The following RBFOX1 variants were observed in gnomAD, a reference collection of about 807,000 sequenced individuals.
RBFOX1 encodes RNA binding protein fox-1 homolog 1.
In RBFOX1, 8 loss-of-function variants were observed where a neutral mutation model predicts 57.7. The observed-to-expected ratio is 0.14, with a 90% CI of 0.08 to 0.25. The LOEUF (loss-of-function observed/expected upper bound fraction) is 0.25, where lower values mean the gene tolerates loss of function less well. Among genes scored for constraint, RBFOX1 ranks in the 10% least tolerant of loss-of-function variants. RBFOX1 has a pLI of 1.00. For missense variants in RBFOX1, 611 were observed against 548.5 expected, an observed-to-expected ratio of 1.11 and a Z score of -1.14; for synonymous variants, 326 against 222.4, an observed-to-expected ratio of 1.47 and a Z score of -4.15.
At chr16:7,303,615 G>GA (rs996296357) in intron 4 of RBFOX1, among the ~76,000 whole-genome samples, 3 of 151,976 alleles carry the variant, frequency 2.0e-5, no homozygotes, top group South Asian at 4.2e-4. Flanking sequence ...GGGAGGGAAG[G>GA]AAAAAAAGGA....
At position 7,405,368 on chromosome 16, in the gene RBFOX1, C is replaced by T. The variant is rs180782832; in HGVS notation, c.28-112779C>T. Among the ~76,000 whole-genome samples, 601 of 152,344 alleles carry T rather than the reference C, an allele frequency of 3.9e-3. 16 individuals are homozygous for T. The highest frequency in any genetic ancestry group is 0.035 in the Admixed American group (539 of 15,304). On this transcript the variant is annotated intron_variant, in intron 4 of 15. Transcript: ENST00000550418. ...TGAGATTAGCAGATGCAGCAGTTCA[C>T]TCCAAGGCGCTGTGCAGTTTTTTCC...
chr16:6,592,433 G>A (rs1435485315), intron 2 of RBFOX1, among the ~76,000 whole-genome samples: 1 of 152,144 alleles, frequency 6.6e-6, no homozygotes, highest in African/African-American at 2.4e-5. Flanking sequence ...GTGTCATATG[G>A]GAGGGTGCAT....
intron 4 of RBFOX1, among the ~76,000 whole-genome samples, chr16:7,122,058 A>C (rs921461973): frequency 2.6e-5 from 4 of 152,086 alleles, no homozygotes; most frequent in African/African-American, 9.7e-5. Context: ...GTTTTAGAAG[A>C]ACACATGGGT....
Position 5,991,514 on chromosome 16 carries a change from A to G in RBFOX1, c.351+124179A>G, listed in dbSNP as rs367552899. On this transcript the variant is annotated intron_variant, in intron 4 of 19. Coordinates refer to the RBFOX1 transcript ENST00000641259. ...GGAGACCTTTACGGAAGTATTATTT[A>G]TTGATAAGGACCATGCATCGTGGCT... is the stretch of plus-strand genomic sequence containing the variant. 1.9e-4 allele frequency among the ~76,000 whole-genome samples: 29 copies of G among 152,314 alleles called. No homozygotes were observed. The East Asian group carries it at 5.4e-3, about 28-fold the overall frequency.
intron 2 of RBFOX1, among the ~76,000 whole-genome samples, chr16:5,553,193 G>T (rs965465959): frequency 3.3e-5 from 5 of 152,024 alleles, no homozygotes; most frequent in African/African-American, 1.2e-4. Flanking sequence ...ATGATGAGTT[G>T]ATGGGGGCAG....
intron 4 of RBFOX1, among the ~76,000 whole-genome samples, chr16:7,322,860 T>C (rs1177317966): frequency 2.0e-5 from 3 of 152,148 alleles, no homozygotes; most frequent in African/African-American, 7.2e-5. Context: ...TGTTTTCTCC[T>C]CCAGTGGTTA....
At chr16:7,108,176 C>A (rs1475781088) in intron 4 of RBFOX1, among the ~76,000 whole-genome samples, 1 of 152,166 alleles carries the variant, frequency 6.6e-6, no homozygotes, top group African/African-American at 2.4e-5. Flanking sequence ...ACAATTTAAT[C>A]TCTGATGGTT....
chr16:6,945,011 G>C (rs2079218569), intron 3 of RBFOX1, among the ~76,000 whole-genome samples: 1 of 152,094 alleles, frequency 6.6e-6, no homozygotes, highest in South Asian at 2.1e-4. Flanking sequence ...ACTTTTAGCA[G>C]CTCTTCTTCT....
chr16:6,792,595 G>A (rs751526452), intron 3 of RBFOX1, among the ~76,000 whole-genome samples: 11 of 152,132 alleles, frequency 7.2e-5, no homozygotes, highest in Non-Finnish European at 1.2e-4. Flanking sequence ...CTCCTACTAC[G>A]AAGTCAGGGT....
Position 7,531,195 on chromosome 16 carries a change from G to C in RBFOX1, c.270+12806G>C, listed in dbSNP as rs115579370. 3.0e-3 allele frequency among the ~76,000 whole-genome samples: 462 copies of C among 152,284 alleles called. 1 individual carries two copies. Among genetic ancestry groups the C allele is most frequent in the African/African-American group, 0.01 (424 of 41,556 alleles). ...CAATCCAAACAATATGGGCTGCCCT[G>C]ATCTTTTAAAAGGGAGAAATGTAAA... is the stretch of plus-strand genomic sequence containing the variant. On this transcript the variant is annotated intron_variant, in intron 5 of 15. Transcript: ENST00000550418.
At chr16:6,029,775 A>AAG (rs1476330219) in intron 1 of RBFOX1, among the ~76,000 whole-genome samples, 5 of 151,314 alleles carry the variant, frequency 3.3e-5, no homozygotes, top group Non-Finnish European at 5.9e-5. Context: ...TCCGTCTCAA[A>AAG]AAAAAAAAAA....
intron 1 of RBFOX1, among the ~76,000 whole-genome samples, chr16:6,259,680 G>C (rs147772058): frequency 1.3e-5 from 2 of 152,088 alleles, no homozygotes; most frequent in Admixed American, 6.5e-5. Context: ...CACTGGGGCC[G>C]GGTGCAGTGG....
intron 2 of RBFOX1, among the ~76,000 whole-genome samples, chr16:5,580,102 C>G (rs1463166679): frequency 6.6e-6 from 1 of 152,182 alleles, no homozygotes. Flanking sequence ...TCAGCATTAC[C>G]TACAACAGCT....
intron 2 of RBFOX1, among the ~76,000 whole-genome samples, chr16:5,498,299 C>T (rs1486058399): frequency 6.6e-6 from 1 of 152,074 alleles, no homozygotes; most frequent in African/African-American, 2.4e-5. Flanking sequence ...TGCACTACCA[C>T]GCCCAGCTAA....
chr16:5,883,350 T>C (rs1419191572), intron 4 of RBFOX1, among the ~76,000 whole-genome samples: 2 of 152,084 alleles, frequency 1.3e-5, no homozygotes, highest in Non-Finnish European at 2.9e-5. Flanking sequence ...CAATAAACAA[T>C]AACAACAAAA....
At position 6,815,089 on chromosome 16, in the gene RBFOX1, A is replaced by G. The variant is rs1341428616; in HGVS notation, c.-16+160439A>G. Reference sequence around the variant, plus strand: ...AAGCGGTAGGCAATGACTAGAACTGAGGGTTTCTCCCCATTTCCGACCATA... The same window carrying G: ...AAGCGGTAGGCAATGACTAGAACTGGGGGTTTCTCCCCATTTCCGACCATA... On this transcript the variant is annotated intron_variant, in intron 3 of 15. Coordinates refer to ENST00000550418, the MANE Select transcript of RBFOX1 (RefSeq NM_018723.4). 2.0e-5 allele frequency among the ~76,000 whole-genome samples: 3 copies of G among 152,062 alleles called. No homozygotes were observed. In the East Asian group the frequency reaches 5.8e-4, roughly 29 times the overall value.
intron 1 of RBFOX1, among the ~76,000 whole-genome samples, chr16:6,100,945 A>C (rs1292697541): frequency 6.6e-6 from 1 of 152,138 alleles, no homozygotes; most frequent in Non-Finnish European, 1.5e-5. Flanking sequence ...CCCTACAGGC[A>C]CAAAGGGATT....
chr16:7,044,433 T>C (rs1207483840), intron 3 of RBFOX1, among the ~76,000 whole-genome samples: 1 of 152,186 alleles, frequency 6.6e-6, no homozygotes, highest in Non-Finnish European at 1.5e-5. Context: ...TGAGAAAGCG[T>C]CTTTGGCCCT....
rs181930902 is a variant in RBFOX1, at chr16:6,240,324, C to G, written c.-126-76671C>G. Among the ~76,000 whole-genome samples, 454 of 152,258 alleles carry G rather than the reference C, an allele frequency of 3.0e-3. 13 individuals carry two copies. The highest frequency in any genetic ancestry group is 7.1e-4 in the Non-Finnish European group (48 of 68,018). On this transcript the variant is annotated intron_variant, in intron 1 of 15. Coordinates refer to ENST00000550418, the MANE Select transcript of RBFOX1 (RefSeq NM_018723.4). ...GGTGTCCTATATGGGGACTAATTGT[C>G]TCCAAGGTTATTGAGGTAGTTCTTC...
Sources: gnomAD v4.1 joint callset for allele counts (sites outside exome capture counted in the v4.1 genomes callset) on GRCh38, gnomAD v4.1.1 for gene constraint, MANE v1.5 for transcripts, NCBI Gene and HGNC (gene_info 2026-07-23, HGNC 2026-07-21) for gene names.